The following NCAM2 variants were observed in gnomAD, a reference collection of about 807,000 sequenced individuals.
The protein encoded by NCAM2 is N-CAM-2.
A neutral mutation model predicts 98.1 loss-of-function variants in NCAM2; 30 were observed. That is an observed-to-expected ratio of 0.31 (90% CI 0.23 to 0.41). NCAM2 has a LOEUF of 0.41. Among genes scored for constraint, NCAM2 ranks in the 10% least tolerant of loss-of-function variants. NCAM2 has a pLI of 1.00. For missense variants in NCAM2, 867 were observed against 1,005.8 expected, an observed-to-expected ratio of 0.86 and a Z score of 1.87; for synonymous variants, 368 against 342.4, an observed-to-expected ratio of 1.07 and a Z score of -0.83.
At chr21:21,477,074 CT>C (rs1569103415) in intron 14 of NCAM2, among the ~76,000 whole-genome samples, 1 of 152,098 alleles carries the variant, frequency 6.6e-6, no homozygotes, top group East Asian at 1.9e-4. Context: ...GACAAAACCA[CT>C]TTTTGGCTAA....
At chr21:21,272,934 T>TCACACA (rs61235726) in intron 1 of NCAM2, among the ~76,000 whole-genome samples, 2,865 of 124,854 alleles carry the variant, frequency 0.023, 62 homozygotes, top group African/African-American at 0.056. Context: ...GGACATGCAT[T>TCACACA]CACACACACA....
At chr21:21,324,920 T>A (rs888759328) in intron 6 of NCAM2, among the ~76,000 whole-genome samples, 1 of 152,108 alleles carries the variant, frequency 6.6e-6, no homozygotes, top group African/African-American at 2.4e-5. Flanking sequence ...ACACAAAATG[T>A]TGTATTATAG....
chr21:21,134,469 T>C (rs895107148), intron 1 of NCAM2, among the ~76,000 whole-genome samples: 6 of 151,972 alleles, frequency 3.9e-5, no homozygotes, highest in African/African-American at 1.5e-4. Flanking sequence ...GTAGGATTGG[T>C]TTTTGTCTAT....
chr21:21,430,712 C>A (rs978895537), intron 11 of NCAM2, among the ~76,000 whole-genome samples: 2 of 151,918 alleles, frequency 1.3e-5, no homozygotes, highest in Admixed American at 6.6e-5. Flanking sequence ...CAGTTACCTC[C>A]ACTTGGTTCC....
At chr21:21,204,765 T>G (rs2069371374) in intron 1 of NCAM2, among the ~76,000 whole-genome samples, 1 of 152,188 alleles carries the variant, frequency 6.6e-6, no homozygotes, top group African/African-American at 2.4e-5. Context: ...ATTGCCAATT[T>G]ATTCATATCA....
At chr21:21,346,154 T>C (rs1223929933) in intron 8 of NCAM2, among the ~76,000 whole-genome samples, 1 of 150,834 alleles carries the variant, frequency 6.6e-6, no homozygotes, top group East Asian at 2.0e-4. Context: ...AGAAACATAC[T>C]TCATCTATAA....
chr21:21,163,673 T>C (rs939444411), intron 1 of NCAM2, among the ~76,000 whole-genome samples: 1 of 152,188 alleles, frequency 6.6e-6, no homozygotes, highest in South Asian at 2.1e-4. Flanking sequence ...CTTTTGTTTC[T>C]ATTTGTTTGC....
At chr21:21,171,357 G>A (rs193248185) in intron 1 of NCAM2, among the ~76,000 whole-genome samples, 3 of 152,300 alleles carry the variant, frequency 2.0e-5, no homozygotes, top group East Asian at 3.9e-4. Context: ...CTGATAGTAA[G>A]AGGATTTGCA....
chr21:21,111,082 C>G (rs1431584117), intron 1 of NCAM2, among the ~76,000 whole-genome samples: 2 of 152,076 alleles, frequency 1.3e-5, no homozygotes, highest in East Asian at 3.9e-4. Flanking sequence ...AGTACAGTTT[C>G]AGGCAAAAAG....
intron 5 of NCAM2, among the ~76,000 whole-genome samples, chr21:21,303,057 A>G (rs2073771225): frequency 1.3e-5 from 2 of 152,182 alleles, no homozygotes; most frequent in Non-Finnish European, 2.9e-5. Context: ...TTGAACACAC[A>G]TGAACCTCCG....
rs74311326 is a variant in NCAM2, at chr21:21,433,863, A to C, written c.1654+1582A>C. Among the ~76,000 whole-genome samples the C allele has an allele frequency of 7.2e-5, 11 of 152,286 alleles. No individual in the cohort carries two copies. The East Asian group carries it at 1.5e-3, about 21-fold the overall frequency. On this transcript the variant is annotated intron_variant, in intron 12 of 17. Transcript: ENST00000400546. Reference sequence around the variant, plus strand: ...GAAGGAAAAAAGGCATTATTTCCTAAACTGCATAAAACTCAGTGTTTGTGC... The same window carrying C: ...GAAGGAAAAAAGGCATTATTTCCTACACTGCATAAAACTCAGTGTTTGTGC...
intron 8 of NCAM2, among the ~76,000 whole-genome samples, chr21:21,354,322 TTCAG>T (rs1276263705): frequency 3.9e-5 from 6 of 152,196 alleles, no homozygotes; most frequent in Non-Finnish European, 8.8e-5. Context: ...ATTTCTCAAC[TTCAG>T]TCATTTGATA....
chr21:21,152,533 A>G (rs1473678589), intron 1 of NCAM2, among the ~76,000 whole-genome samples: 1 of 151,972 alleles, frequency 6.6e-6, no homozygotes, highest in African/African-American at 2.4e-5. Flanking sequence ...TTGTGGCAAC[A>G]ATTGAAACAT....
At chr21:21,396,061 C>A (rs532261714) in intron 9 of NCAM2, among the ~76,000 whole-genome samples, 2 of 151,622 alleles carry the variant, frequency 1.3e-5, no homozygotes, top group South Asian at 4.2e-4. Flanking sequence ...AAATAATCGG[C>A]CAGTAAACAG....
intron 12 of NCAM2, among the ~76,000 whole-genome samples, chr21:21,462,962 G>A (rs1186237760): frequency 6.6e-6 from 1 of 152,060 alleles, no homozygotes; most frequent in Non-Finnish European, 1.5e-5. Context: ...TAATTCTGGA[G>A]TTTGAATTTC....
chr21:21,089,885 A>C (rs1334027427), intron 1 of NCAM2, among the ~76,000 whole-genome samples: 1 of 152,132 alleles, frequency 6.6e-6, no homozygotes, highest in Non-Finnish European at 1.5e-5. Context: ...TGGCCACTCT[A>C]TTTACTTATT....
Position 21,210,930 on chromosome 21 carries a change from A to G in NCAM2, c.56-69648A>G, listed in dbSNP as rs973181588. On this transcript the variant is annotated intron_variant, in intron 1 of 17. Coordinates refer to ENST00000400546, the MANE Select transcript of NCAM2 (RefSeq NM_004540.5). ...GACTGGATGCCAAGGTAGCTTCCAT[A>G]TAGGAGAAGTACAGGAGTTTACTAA... is the stretch of plus-strand genomic sequence containing the variant. Among the ~76,000 whole-genome samples, 156 of 150,020 alleles carry G rather than the reference A, an allele frequency of 1.0e-3. 2 individuals are homozygous for G. The highest frequency in any genetic ancestry group is 2.1e-3 in the Non-Finnish European group (142 of 67,784).
intron 5 of NCAM2, among the ~76,000 whole-genome samples, chr21:21,297,920 G>C (rs573995595): frequency 1.8e-4 from 28 of 151,844 alleles, no homozygotes; most frequent in Non-Finnish European, 3.7e-4. Flanking sequence ...ATGGAGGCAG[G>C]AACAATTGAG....
intron 1 of NCAM2, among the ~76,000 whole-genome samples, chr21:21,265,444 A>T: frequency 2.8e-5 from 1 of 36,144 alleles, no homozygotes; most frequent in Non-Finnish European, 4.5e-5. Flanking sequence ...TATATTATAT[A>T]TACACACATA....
Sources: gnomAD v4.1 joint callset for allele counts (sites outside exome capture counted in the v4.1 genomes callset) on GRCh38, gnomAD v4.1.1 for gene constraint, MANE v1.5 for transcripts, NCBI Gene and HGNC (gene_info 2026-07-23, HGNC 2026-07-21) for gene names.